The following WNT3A variants were observed in gnomAD, a reference collection of about 807,000 sequenced individuals.
WNT3A encodes the protein protein Wnt-3a.
In WNT3A, 17 loss-of-function variants were observed where a neutral mutation model predicts 37.0. The observed-to-expected ratio is 0.46, with a 90% confidence interval of 0.31 to 0.69. The LOEUF (loss-of-function observed/expected upper bound fraction) is 0.69, where lower values mean the gene tolerates loss of function less well. Among genes scored for constraint, WNT3A ranks in the 30% least tolerant of loss-of-function variants. WNT3A has a pLI of 0.05. For missense variants in WNT3A, 411 were observed against 510.2 expected, an observed-to-expected ratio of 0.81 and a Z score of 1.87; for synonymous variants, 187 against 211.0, an observed-to-expected ratio of 0.89 and a Z score of 0.99.
rs372068990 is a variant in WNT3A, at chr1:228,017,116, G to A, written c.72-5551G>A. 5.3e-5 allele frequency among the ~76,000 whole-genome samples: 8 copies of A among 152,298 alleles called. No homozygotes were observed. The South Asian group carries it at 1.0e-3, about 20-fold the overall frequency. On this transcript the variant is annotated intron_variant, in intron 1 of 3. Coordinates refer to ENST00000284523, the MANE Select transcript of WNT3A (RefSeq NM_033131.4). ...GAAGCCCTGTTCTGCTGTATTAGCC[G>A]GTGGCTGTGGCAAAGCTCCATTCCC...
chr1:228,007,610 C>T lies in WNT3A; in HGVS notation c.71+411C>T, dbSNP rs1171900250. On this transcript the variant is annotated intron_variant, in intron 1 of 3. Coordinates refer to ENST00000284523, the MANE Select transcript of WNT3A (RefSeq NM_033131.4). This position sits in a 1 kb window ranked among gnomAD's most constrained non-coding sequence, Gnocchi z 6.0. ...TTCGCCGGAGACTTTCCTCAAAAAC[C>T]GTATCTTACACACAAACACACACAC... Among the ~76,000 whole-genome samples the T allele has an allele frequency of 1.3e-5, 2 of 152,134 alleles. No homozygotes were observed. Among genetic ancestry groups the T allele is most frequent in the Non-Finnish European group, 2.9e-5 (2 of 68,014 alleles).
Position 228,059,211 on chromosome 1 carries a change from C to T in WNT3A, c.805C>T (p.Arg269Cys). 6.2e-7 allele frequency: 1 copy of T among 1,611,662 alleles called. No individual in the cohort carries two copies. The highest frequency in any genetic ancestry group is 8.5e-7 in the Non-Finnish European group (1 of 1,179,600). The change falls in exon 4 of 4, where the codon CGC becomes TGC. Residue 269 changes from arginine to cysteine, a missense_variant. Transcript: ENST00000284523. ...RYTYFKVPTERDLVYYEASPN... is the reference protein window; with the variant it reads ...RYTYFKVPTECDLVYYEASPN... ...CACCTACTTCAAGGTGCCCACGGAG[C>T]GCGACCTGGTCTACTACGAGGCCTC...
chr1:228,018,847 G>T (rs1043363284), intron 1 of WNT3A, among the ~76,000 whole-genome samples: 1 of 152,226 alleles, frequency 6.6e-6, no homozygotes, highest in African/African-American at 2.4e-5. Flanking sequence ...CTCAGGCAGG[G>T]TCTGTGTGGC....
rs974318419 is a variant in WNT3A, at chr1:228,007,066, GC to G, written c.-55del. On this transcript the variant is annotated 5_prime_UTR_variant, in exon 1 of 4. Coordinates refer to ENST00000284523, the MANE Select transcript of WNT3A (RefSeq NM_033131.4). The surrounding 1 kb of genome is among the most constrained non-coding windows in gnomAD (Gnocchi z 6.0). The stretch of plus-strand genomic sequence containing the variant: ...CCGCCGCGCCAGCTCCCAGGGCCCG[GC>G]CCCCCCCGGCGCTCACGCTCTCGGG... The G allele has an allele frequency of 2.7e-4, 346 of 1,299,224 alleles. 1 individual carries two copies. Among genetic ancestry groups the G allele is most frequent in the South Asian group, 6.1e-4 (40 of 65,350 alleles). 80.5% of individuals were successfully genotyped at this position (1,299,224 alleles called of 1,614,324 possible).
chr1:228,007,213 C>T lies in WNT3A; in HGVS notation c.71+14C>T. On this transcript the variant is annotated intron_variant, in intron 1 of 3. Transcript: ENST00000284523. The surrounding 1 kb of genome is among the most constrained non-coding windows in gnomAD (Gnocchi z 6.0). ...CCCGATCTGGTGGTGAGTGAGCCTC[C>T]TCGCGTTCGCCCCTGCCCCTGTGCG... 1 of 1,597,844 alleles carries T rather than the reference C, an allele frequency of 6.3e-7. No homozygotes were observed. The highest frequency in any genetic ancestry group is 8.5e-7 in the Non-Finnish European group (1 of 1,172,688).
chr1:228,008,066 TG>T lies in WNT3A; in HGVS notation c.71+870del, dbSNP rs778716611. ...TCCCACCTCCACTGCACATATCCTG[TG>T]GGAGGGGGAACGGTGGCCACACTTT... is the stretch of plus-strand genomic sequence containing the variant. On this transcript the variant is annotated intron_variant, in intron 1 of 3. Coordinates refer to ENST00000284523, the MANE Select transcript of WNT3A (RefSeq NM_033131.4). The surrounding 1 kb of genome is among the most constrained non-coding windows in gnomAD (Gnocchi z 4.9). 6.6e-6 allele frequency among the ~76,000 whole-genome samples: 1 copy of T among 152,096 alleles called. No homozygotes were observed. The highest frequency in any genetic ancestry group is 2.1e-4 in the South Asian group (1 of 4,826).
chr1:228,035,023 C>G (rs1180670326), intron 2 of WNT3A, among the ~76,000 whole-genome samples: 1 of 152,122 alleles, frequency 6.6e-6, no homozygotes, highest in African/African-American at 2.4e-5. Flanking sequence ...AGTCGGTCCC[C>G]TGGGAAAGCA....
At chr1:228,045,669 G>A (rs946396410) in intron 2 of WNT3A, among the ~76,000 whole-genome samples, 1 of 152,194 alleles carries the variant, frequency 6.6e-6, no homozygotes, top group Non-Finnish European at 1.5e-5. Context: ...GTTGTGTTAG[G>A]GAAGTAACAT....
At chr1:228,030,919 G>A (rs1033458394) in intron 2 of WNT3A, among the ~76,000 whole-genome samples, 4 of 152,244 alleles carry the variant, frequency 2.6e-5, no homozygotes, top group African/African-American at 4.8e-5. Flanking sequence ...AAATGCGAAG[G>A]AAGACCACAA....
At chr1:228,044,380 T>C (rs1314058489) in intron 2 of WNT3A, among the ~76,000 whole-genome samples, 1 of 152,158 alleles carries the variant, frequency 6.6e-6, no homozygotes, top group African/African-American at 2.4e-5. Context: ...TCTATCAAGA[T>C]CCCTTTTCTG....
rs1340870992 is a variant in WNT3A, at chr1:228,038,809, T to C, written c.314-11847T>C. On this transcript the variant is annotated intron_variant, in intron 2 of 3. Transcript: ENST00000284523. The surrounding 1 kb of genome is among the most constrained non-coding windows in gnomAD (Gnocchi z 5.7). ...CCCTGGAGTACAGGGAGACTGCTCCTCACTGGTGCATGGAAAGGGCTGGCA... is the reference window on the plus strand; with the variant it reads ...CCCTGGAGTACAGGGAGACTGCTCCCCACTGGTGCATGGAAAGGGCTGGCA... Among the ~76,000 whole-genome samples, 1 of 152,150 alleles carries C rather than the reference T, an allele frequency of 6.6e-6. No individual in the cohort carries two copies. Among genetic ancestry groups the C allele is most frequent in the Admixed American group, 6.5e-5 (1 of 15,282 alleles).
At chr1:228,048,873 C>T (rs2031484277) in intron 2 of WNT3A, among the ~76,000 whole-genome samples, 1 of 152,184 alleles carries the variant, frequency 6.6e-6, no homozygotes, top group Non-Finnish European at 1.5e-5. Context: ...CTCTGCAAAG[C>T]CCACACCACC....
rs547892247 is a variant in WNT3A, at chr1:228,042,495, A to G, written c.314-8161A>G. Reference sequence around the variant, plus strand: ...ATGGATGAATGGTGATGGATGGATTAGAGATGGACAGATGATGGGCAACAG... The same window carrying G: ...ATGGATGAATGGTGATGGATGGATTGGAGATGGACAGATGATGGGCAACAG... On this transcript the variant is annotated intron_variant, in intron 2 of 3. Coordinates refer to ENST00000284523, the MANE Select transcript of WNT3A (RefSeq NM_033131.4). This position sits in a 1 kb window ranked among gnomAD's most constrained non-coding sequence, Gnocchi z 5.2. Among the ~76,000 whole-genome samples, 5 of 151,728 alleles carry G rather than the reference A, an allele frequency of 3.3e-5. No homozygotes were observed. The highest frequency in any genetic ancestry group is 1.2e-4 in the African/African-American group (5 of 41,308).
intron 1 of WNT3A, among the ~76,000 whole-genome samples, chr1:228,020,709 A>G (rs1425509164): frequency 6.6e-6 from 1 of 152,176 alleles, no homozygotes; most frequent in African/African-American, 2.4e-5. Context: ...TAGTGAATGA[A>G]TAAAGAAGTG....
chr1:228,023,960 T>C (rs2030794964), intron 2 of WNT3A, among the ~76,000 whole-genome samples: 1 of 152,232 alleles, frequency 6.6e-6, no homozygotes, highest in Admixed American at 6.5e-5. Flanking sequence ...TTGATTCACC[T>C]GCACTGTGGA....
rs1475883754 is a variant in WNT3A at position 228,038,478 on chromosome 1, G to A, written c.314-12178G>A. On this transcript the variant is annotated intron_variant, in intron 2 of 3. Coordinates refer to ENST00000284523, the MANE Select transcript of WNT3A (RefSeq NM_033131.4). The surrounding 1 kb of genome is among the most constrained non-coding windows in gnomAD (Gnocchi z 5.7). Reference sequence around the variant, plus strand: ...CCTTTTTCAGGGGCGATGGTCCCCAGATGACATGACATTTGGGGCCACAGT... The same window carrying A: ...CCTTTTTCAGGGGCGATGGTCCCCAAATGACATGACATTTGGGGCCACAGT... Among the ~76,000 whole-genome samples the A allele has an allele frequency of 6.6e-6, 1 of 152,246 alleles. No individual in the cohort carries two copies.
intron 1 of WNT3A, 96 bp from the exon 2 acceptor site, chr1:228,022,571 G>A (rs995483807): frequency 1.3e-5 from 18 of 1,427,026 alleles, no homozygotes; most frequent in South Asian, 6.3e-5. Flanking sequence ...CTCGCCCCCC[G>A]AATGCACTTG....
intron 2 of WNT3A, among the ~76,000 whole-genome samples, chr1:228,033,472 C>A (rs2031060965): frequency 6.6e-6 from 1 of 152,164 alleles, no homozygotes; most frequent in Non-Finnish European, 1.5e-5. Flanking sequence ...AATCAGTTAG[C>A]CCTAGATGTA....
At position 228,021,944 on chromosome 1, in the gene WNT3A, C is replaced by T. The variant is rs554414750; in HGVS notation, c.72-723C>T. Among the ~76,000 whole-genome samples the T allele has an allele frequency of 5.3e-5, 8 of 152,318 alleles. No homozygotes were observed. The East Asian group carries it at 7.7e-4, about 15-fold the overall frequency. ...CATGCAGTTGTGCTGAGCAGGAATGCGGGGCTGCATCATTTCCTGTTACAG... is the reference window on the plus strand; with the variant it reads ...CATGCAGTTGTGCTGAGCAGGAATGTGGGGCTGCATCATTTCCTGTTACAG... On this transcript the variant is annotated intron_variant, in intron 1 of 3. Coordinates refer to ENST00000284523, the MANE Select transcript of WNT3A (RefSeq NM_033131.4).
Sources: allele counts gnomAD v4.1 joint callset (sites outside exome capture counted in the v4.1 genomes callset), GRCh38; gene constraint gnomAD v4.1.1; non-coding constraint Gnocchi (gnomAD v3.1); transcripts MANE v1.5; gene names NCBI Gene and HGNC (gene_info 2026-07-23, HGNC 2026-07-21).